ZBTB45: variants seen among roughly 807,000 people sequenced by gnomAD.
The protein encoded by ZBTB45 is zinc finger and BTB domain containing 45, also known as zinc finger and BTB domain-containing protein 45.
In ZBTB45, 22 loss-of-function variants were observed where a neutral mutation model predicts 28.4. The observed-to-expected ratio is 0.77, with a 90% CI of 0.55 to 1.10. The LOEUF is 1.10. Ranked by LOEUF, ZBTB45 falls within the 50% of genes least tolerant of loss-of-function variation. The pLI, the probability that ZBTB45 is intolerant of heterozygous loss-of-function variation, is 0.00. For missense variants in ZBTB45, 656 were observed against 750.2 expected (o/e 0.87, Z 1.47); for synonymous variants, 361 against 332.3 (o/e 1.09, Z -0.94).
chr19:58,513,878 G>A lies in ZBTB45; in HGVS notation c.*176C>T, dbSNP rs1000441607. 3 of 764,290 alleles carry A rather than the reference G, an allele frequency of 3.9e-6. No individual in the cohort carries two copies. The highest frequency in any genetic ancestry group is 6.7e-5 in the East Asian group (2 of 29,854). 47.3% of individuals were successfully genotyped at this position (764,290 alleles called of 1,614,324 possible). On this transcript the variant is annotated 3_prime_UTR_variant, in exon 3 of 3. Coordinates refer to ENST00000594051, the MANE Select transcript of ZBTB45 (RefSeq NM_001316979.2). ...CACCTGGAGGGTTCAAGTACATGGA[G>A]GAGAGGAGTAAGGCGGACTTAGGCC...
In ZBTB45 at chr19:58,516,430, C is replaced by T. The variant is rs778329030; in HGVS notation, c.1244G>A (p.Arg415Gln). ...CSHCRKTFSS[R>Q]KNYTKHMFIH... ...GAACATGTGCTTGGTGTAGTTTTTC[C>T]GGGAGCTGAACGTCTTGCGACAGTG... Residue 415 changes from arginine (R) to glutamine (Q), a missense_variant, in exon 2 of 3, where the codon CGG (arginine) becomes CAG (glutamine). Around this residue, in one of 3 missense-constraint regions of ZBTB45, gnomAD observed 103 missense variants for 153.5 expected, o/e 0.67. Transcript: ENST00000594051. The surrounding 1 kb of genome is among the most constrained non-coding windows in gnomAD (Gnocchi z 6.2). The T allele has an allele frequency of 7.4e-6, 12 of 1,613,852 alleles. No individual in the cohort carries two copies. Among genetic ancestry groups the T allele is most frequent in the South Asian group, 2.2e-5 (2 of 91,080 alleles).
At position 58,513,941 on chromosome 19, in the gene ZBTB45, G is replaced by A; in HGVS notation, c.*113C>T. The A allele has an allele frequency of 1.6e-6, 2 of 1,257,410 alleles. No homozygotes were observed. The highest frequency in any genetic ancestry group is 2.1e-6 in the Non-Finnish European group (2 of 974,342). The allele number at this position is 1,257,410 out of a possible 1,614,324, so 77.9% of individuals were successfully genotyped here. A position where few individuals can be genotyped will look rare whatever the true frequency, so the allele number is the denominator to read the frequency against. On this transcript the variant is annotated 3_prime_UTR_variant, in exon 3 of 3. Coordinates refer to ENST00000594051, the MANE Select transcript of ZBTB45 (RefSeq NM_001316979.2). ...AAGGGTGAAGGGAGAGAGAGGACCTGCGCTCAGGAGGGAGCGTGGTCTAGT... is the reference window on the plus strand; with the variant it reads ...AAGGGTGAAGGGAGAGAGAGGACCTACGCTCAGGAGGGAGCGTGGTCTAGT...
At chr19:58,520,068 C>A (rs2122574597), upstream of ZBTB45, 1 of 152,442 alleles carries the variant, frequency 6.6e-6, no homozygotes, top group African/African-American at 2.4e-5. Context: ...CGCAAGCTCC[C>A]TGTGATGCAG....
intron 1 of ZBTB45, among the ~76,000 whole-genome samples, chr19:58,531,563 C>T (rs2122594123): frequency 6.6e-6 from 1 of 152,292 alleles, no homozygotes; most frequent in African/African-American, 2.4e-5. Flanking sequence ...TATCAGTGGG[C>T]ATTCTTTGGT....
intron 1 of ZBTB45, among the ~76,000 whole-genome samples, chr19:58,525,091 A>G (rs2053600854): frequency 6.6e-6 from 1 of 152,000 alleles, no homozygotes; most frequent in African/African-American, 2.4e-5. Context: ...AGCTCCCACC[A>G]AGGAGTCTTC....
At chr19:58,517,731 A>C in intron 1 of ZBTB45, 58 bp from the exon 2 acceptor site, 1 of 1,512,348 alleles carries the variant, frequency 6.6e-7, no homozygotes, top group South Asian at 1.2e-5. Context: ...ATCTGTCCCA[A>C]CGTCCCTGTC....
intron 1 of ZBTB45, among the ~76,000 whole-genome samples, chr19:58,535,877 G>A (rs528892062): frequency 6.6e-6 from 1 of 152,248 alleles, no homozygotes; most frequent in African/African-American, 2.4e-5. Flanking sequence ...ACAATTTGGA[G>A]CTCATGTCCT....
At chr19:58,522,611 G>C (rs1160496235), upstream of ZBTB45, among the ~76,000 whole-genome samples, 1 of 152,014 alleles carries the variant, frequency 6.6e-6, no homozygotes, top group Non-Finnish European at 1.5e-5. Flanking sequence ...CTCCAGCCTG[G>C]GCAACAAGAG....
intron 1 of ZBTB45, among the ~76,000 whole-genome samples, chr19:58,528,738 C>T (rs1207822019): frequency 6.6e-6 from 1 of 151,990 alleles, no homozygotes; most frequent in Non-Finnish European, 1.5e-5. Context: ...ACTAAAATTA[C>T]AAAAAATTAG....
At chr19:58,535,442 C>T (rs1323074121) in intron 1 of ZBTB45, among the ~76,000 whole-genome samples, 1 of 151,952 alleles carries the variant, frequency 6.6e-6, no homozygotes, top group African/African-American at 2.4e-5. Context: ...TGAGACCAGC[C>T]TGGCCAACAT....
chr19:58,532,461 C>G (rs1463182976), intron 1 of ZBTB45, among the ~76,000 whole-genome samples: 1 of 152,120 alleles, frequency 6.6e-6, no homozygotes, highest in Non-Finnish European at 1.5e-5. Context: ...AGTTTAAAAT[C>G]AAGGTGCAGG....
intron 1 of ZBTB45, among the ~76,000 whole-genome samples, chr19:58,530,268 T>G (rs923278160): frequency 6.6e-6 from 1 of 152,014 alleles, no homozygotes; most frequent in Non-Finnish European, 1.5e-5. Context: ...CATTTATTTA[T>G]CCATTAATTA....
chr19:58,524,328 G>A (rs1196983657), upstream of ZBTB45, among the ~76,000 whole-genome samples: 1 of 151,612 alleles, frequency 6.6e-6, no homozygotes, highest in African/African-American at 2.4e-5. Flanking sequence ...TCGCGCCACT[G>A]CACTTCAGCC....
chr19:58,523,917 T>C (rs575171302), upstream of ZBTB45, among the ~76,000 whole-genome samples: 851 of 10,546 alleles, frequency 0.081, 14 homozygotes, highest in Middle Eastern at 0.25. Context: ...TATATATATA[T>C]AGAAAAATTA....
At chr19:58,531,430 C>G (rs914142290) in intron 1 of ZBTB45, among the ~76,000 whole-genome samples, 1 of 152,194 alleles carries the variant, frequency 6.6e-6, no homozygotes, top group Non-Finnish European at 1.5e-5. Context: ...CGGGTTCCCC[C>G]TACACAGCCA....
At chr19:58,531,208 G>T (rs764450143) in intron 1 of ZBTB45, among the ~76,000 whole-genome samples, 1 of 152,106 alleles carries the variant, frequency 6.6e-6, no homozygotes, top group Non-Finnish European at 1.5e-5. Flanking sequence ...ATTTCATTGC[G>T]GTTTGATTTG....
At chr19:58,536,654 A>T (rs1361097747) in intron 1 of ZBTB45, among the ~76,000 whole-genome samples, 1 of 152,124 alleles carries the variant, frequency 6.6e-6, no homozygotes, top group Admixed American at 6.6e-5. Flanking sequence ...AAAAAAAGAA[A>T]AAAGAAGAAA....
chr19:58,513,676 A>G lies in ZBTB45; in HGVS notation c.*378T>C, dbSNP rs968542357. 2 of 213,406 alleles carry G rather than the reference A, an allele frequency of 9.4e-6. No individual in the cohort carries two copies. Among genetic ancestry groups the G allele is most frequent in the East Asian group, 9.7e-5 (1 of 10,358 alleles). The allele number at this position is 213,406 out of a possible 1,614,324, so 13.2% of individuals were successfully genotyped here. On this transcript the variant is annotated 3_prime_UTR_variant, in exon 3 of 3. Coordinates refer to ENST00000594051, the MANE Select transcript of ZBTB45 (RefSeq NM_001316979.2). The stretch of plus-strand genomic sequence containing the variant: ...GGGTAGAGAGCTAGGGACCTTGCCC[A>G]GCCTGACCCTGGGGCAGGCAAGCGG...
At chr19:58,525,031 T>G (rs2053600484) in intron 1 of ZBTB45, among the ~76,000 whole-genome samples, 1 of 152,142 alleles carries the variant, frequency 6.6e-6, no homozygotes, top group South Asian at 2.1e-4. Flanking sequence ...CTGGGCCTCC[T>G]CAGCTGGCTA....
Sources: gnomAD v4.1 joint callset for allele counts (sites outside exome capture counted in the v4.1 genomes callset) on GRCh38, gnomAD v4.1.1 for gene constraint, gnomAD v4.1.1 regional missense constraint, Gnocchi (gnomAD v3.1) non-coding constraint, MANE v1.5 for transcripts, NCBI Gene and HGNC (gene_info 2026-07-23, HGNC 2026-07-21) for gene names.